Variants in RALGAPB observed in about 807,000 individuals in gnomAD.
RALGAPB encodes ral GTPase-activating protein subunit beta.
RALGAPB carries 25 observed loss-of-function variants against 161.1 expected under a neutral mutation model. That is an observed-to-expected ratio of 0.16 (90% CI 0.11 to 0.22). The LOEUF (loss-of-function observed/expected upper bound fraction) is 0.22. Among genes scored for constraint, RALGAPB ranks in the 10% least tolerant of loss-of-function variants. The probability of loss-of-function intolerance (pLI) is 1.00; values close to 1 mark genes in which losing one functional copy is unlikely to be tolerated. For synonymous variants in RALGAPB, 629 were observed against 626.1 expected, an observed-to-expected ratio of 1.00 and a Z score of -0.07; for missense variants, 1,391 against 1,815.2, an observed-to-expected ratio of 0.77 and a Z score of 4.25.
intron 21 of RALGAPB, 126 bp downstream of exon 21, chr20:38,551,349 C>G (rs1416291353): frequency 4.1e-5 from 45 of 1,088,272 alleles, no homozygotes; most frequent in Non-Finnish European, 5.3e-5. Context: ...CCTCCATCAT[C>G]CAGGAGGTTG....
intron 18 of RALGAPB, among the ~76,000 whole-genome samples, chr20:38,543,978 T>A (rs2087066332): frequency 6.6e-6 from 1 of 152,240 alleles, no homozygotes; most frequent in African/African-American, 2.4e-5. Context: ...AACACAGTGC[T>A]GAACACGTAG....
chr20:38,497,383 A>T lies in RALGAPB; in HGVS notation c.420A>T (p.Leu140=), dbSNP rs766741979. ...AACAGGGTTCCAGTCAGATTCGACTATGCTTACAGGTCCTGAGAGCCATTC... is the reference window on the plus strand; with the variant it reads ...AACAGGGTTCCAGTCAGATTCGACTTTGCTTACAGGTCCTGAGAGCCATTC... ...RQEQGSSQIR[L]CLQVLRAIQK... is the part of the protein sequence containing the mutation. Residue 140 remains leucine (L), a synonymous_variant, in exon 4 of 30, where the codon CTA becomes CTT. Transcript: ENST00000262879. 6.2e-7 allele frequency: 1 copy of T among 1,614,108 alleles called. No individual in the cohort carries two copies. Among genetic ancestry groups the T allele is most frequent in the African/African-American group, 1.3e-5 (1 of 75,042 alleles).
intron 1 of RALGAPB, among the ~76,000 whole-genome samples, chr20:38,486,651 G>A (rs551952450): frequency 6.6e-6 from 1 of 151,464 alleles, no homozygotes; most frequent in Non-Finnish European, 1.5e-5. Context: ...CTTAAAATCT[G>A]TTTTCTTCCA....
At chr20:38,557,550 G>A (rs2145468492) in intron 22 of RALGAPB, among the ~76,000 whole-genome samples, 1 of 152,248 alleles carries the variant, frequency 6.6e-6, no homozygotes, top group Non-Finnish European at 1.5e-5. Flanking sequence ...AGTAGCCACT[G>A]GTCTTTGTAC....
At chr20:38,510,891 CAG>C (rs1441204759) in intron 6 of RALGAPB, among the ~76,000 whole-genome samples, 4 of 113,472 alleles carry the variant, frequency 3.5e-5, no homozygotes, top group Non-Finnish European at 6.3e-5. Flanking sequence ...GCCTGGGCGA[CAG>C]AGCGAGACTC....
chr20:38,523,162 A>T (rs1317864035), intron 10 of RALGAPB, among the ~76,000 whole-genome samples: 1 of 152,204 alleles, frequency 6.6e-6, no homozygotes, highest in Non-Finnish European at 1.5e-5. Context: ...TCAAAAAAAA[A>T]AAAAAGTTCC....
At chr20:38,550,286 A>G (rs1417396587) in intron 20 of RALGAPB, among the ~76,000 whole-genome samples, 3 of 152,200 alleles carry the variant, frequency 2.0e-5, no homozygotes. Context: ...CTAAAACTTA[A>G]AGTATCATAA....
chr20:38,491,393 T>G (rs1017352139), intron 2 of RALGAPB, among the ~76,000 whole-genome samples: 30 of 152,264 alleles, frequency 2.0e-4, no homozygotes, highest in African/African-American at 6.0e-4. Context: ...ACTGAGCACC[T>G]TTTTCCAAAA....
In RALGAPB at chr20:38,562,589, C is replaced by T. The variant is rs1335461472; in HGVS notation, c.3589C>T (p.Leu1197Phe). 1 of 1,613,606 alleles carries T rather than the reference C, an allele frequency of 6.2e-7. No individual in the cohort carries two copies. The highest frequency in any genetic ancestry group is 1.1e-5 in the South Asian group (1 of 91,016). Reference sequence around the variant, plus strand: ...TCAGCCACATTTCCTAGAATTTTTGCTTTCCCTTGGCTGGTCAGTAGATGT... The same window carrying T: ...TCAGCCACATTTCCTAGAATTTTTGTTTTCCCTTGGCTGGTCAGTAGATGT... ...TVQPHFLEFLLSLGWSVDVGR... is the reference protein window; with the variant it reads ...TVQPHFLEFLFSLGWSVDVGR... The change falls in exon 24 of 30, where the codon CTT (leucine) becomes TTT (phenylalanine). Residue 1197 changes from leucine (L) to phenylalanine (F), a missense_variant. By Grantham distance (22) the Leu-to-Phe change is conservative. Transcript: ENST00000262879.
At chr20:38,563,487 A>G (rs914577204) in intron 24 of RALGAPB, among the ~76,000 whole-genome samples, 9 of 152,202 alleles carry the variant, frequency 5.9e-5, no homozygotes, top group Admixed American at 2.6e-4. Context: ...CCATCCCCGC[A>G]GATCCTCTGA....
chr20:38,558,288 G>T lies in RALGAPB; in HGVS notation c.3373-7G>T, dbSNP rs940925178. On this transcript the variant is annotated splice_region_variant and splice_polypyrimidine_tract_variant and intron_variant, in intron 22 of 29. Coordinates refer to ENST00000262879, the MANE Select transcript of RALGAPB (RefSeq NM_020336.4). ...TAATAATTGCTCCTTTCTTCTTTTG[G>T]TGGCAGGAACCTGCAAATAGTCGTC... The T allele has an allele frequency of 4.7e-6, 7 of 1,485,496 alleles. No homozygotes were observed. Among genetic ancestry groups the T allele is most frequent in the Non-Finnish European group, 6.3e-6 (7 of 1,110,146 alleles). The allele number at this position is 1,485,496 out of a possible 1,614,324, so 92.0% of individuals were successfully genotyped here.
chr20:38,540,352 C>T (rs1225005566), intron 17 of RALGAPB, among the ~76,000 whole-genome samples: 1 of 152,144 alleles, frequency 6.6e-6, no homozygotes, highest in African/African-American at 2.4e-5. Context: ...TTGCTTCTAT[C>T]GAAAAATGTT....
In RALGAPB at chr20:38,553,849, A is replaced by G. The variant is rs751018726; in HGVS notation, c.3163-18A>G. 1.3e-5 allele frequency: 21 copies of G among 1,560,846 alleles called. No homozygotes were observed. Among genetic ancestry groups the G allele is most frequent in the Non-Finnish European group, 1.8e-5 (20 of 1,134,102 alleles). On this transcript the variant is annotated intron_variant, in intron 21 of 29. Coordinates refer to ENST00000262879, the MANE Select transcript of RALGAPB (RefSeq NM_020336.4). ...TTTGATAATAGTTTCAAAAAATGAA[A>G]TATTTGGTTTATTACAGTTAGAAGA...
At position 38,541,205 on chromosome 20, in the gene RALGAPB, C is replaced by T. The variant is rs1439806249; in HGVS notation, c.2714+13C>T. The T allele has an allele frequency of 6.2e-7, 1 of 1,612,434 alleles. No homozygotes were observed. Among genetic ancestry groups the T allele is most frequent in the Non-Finnish European group, 8.5e-7 (1 of 1,178,960 alleles). On this transcript the variant is annotated intron_variant, in intron 18 of 29. Coordinates refer to ENST00000262879, the MANE Select transcript of RALGAPB (RefSeq NM_020336.4). ...CCACCCTAACATGGTATGGAAGTGACCGCACAGGGATTGTGCCTAGGAATT... is the reference window on the plus strand; with the variant it reads ...CCACCCTAACATGGTATGGAAGTGATCGCACAGGGATTGTGCCTAGGAATT...
intron 11 of RALGAPB, 58 bp downstream of exon 11, chr20:38,525,003 G>A (rs1238426403): frequency 9.4e-6 from 14 of 1,485,776 alleles, no homozygotes; most frequent in Non-Finnish European, 1.3e-5. Flanking sequence ...GTCTGTTGGT[G>A]CTTCCTCCCC....
At chr20:38,474,363 C>T (rs891650744) in intron 1 of RALGAPB, among the ~76,000 whole-genome samples, 25 of 152,172 alleles carry the variant, frequency 1.6e-4, no homozygotes, top group South Asian at 2.1e-4. Context: ...GATCTTGGCT[C>T]ACTGCAACTT....
At chr20:38,497,288 C>G (rs1446639817) in intron 3 of RALGAPB, 65 bp from the exon 4 acceptor site, 1 of 1,478,490 alleles carries the variant, frequency 6.8e-7, no homozygotes, top group African/African-American at 1.4e-5. Context: ...CCATAAGTCA[C>G]CTGTCCTGAA....
rs1469047616 is a variant in RALGAPB at position 38,525,411 on chromosome 20, T to C, written c.1795T>C (p.Ser599Pro). ...LETILPDREL[S>P]KFKSYVNPTE... is the part of the protein sequence containing the mutation. ...CTTTTTATTTTTTGGCAGAGAACTC[T>C]CAAAATTCAAAAGCTATGTAAATCC... The change falls in exon 12 of 30, where the codon TCA becomes CCA. Residue 599 changes from serine (S) to proline (P), a missense_variant. Ser to Pro is a moderately conservative substitution (Grantham distance 74). This residue lies in a region of RALGAPB where 946 missense variants were observed against 1,257.2 expected (regional missense o/e 0.75). Coordinates refer to ENST00000262879, the MANE Select transcript of RALGAPB (RefSeq NM_020336.4). 1 of 1,587,502 alleles carries C rather than the reference T, an allele frequency of 6.3e-7. No individual in the cohort carries two copies. The highest frequency in any genetic ancestry group is 8.6e-7 in the Non-Finnish European group (1 of 1,168,976).
rs553662950 is a variant in RALGAPB, at chr20:38,529,615, G to A, written c.2051-1552G>A. ...TGGGAGGCCGAGGTGGGTGGATCAC[G>A]AGGTGAGGAGTTCAAGACCAGCCTG... On this transcript the variant is annotated intron_variant, in intron 13 of 29. Coordinates refer to ENST00000262879, the MANE Select transcript of RALGAPB (RefSeq NM_020336.4). 5.9e-5 allele frequency among the ~76,000 whole-genome samples: 9 copies of A among 152,126 alleles called. No homozygotes were observed. The South Asian group carries it at 1.7e-3, about 28-fold the overall frequency.
Sources: gnomAD v4.1 joint callset for allele counts (sites outside exome capture counted in the v4.1 genomes callset) on GRCh38, gnomAD v4.1.1 for gene constraint, gnomAD v4.1.1 regional missense constraint, MANE v1.5 for transcripts, NCBI Gene and HGNC (gene_info 2026-07-23, HGNC 2026-07-21) for gene names.